The following ZNF782 variants were observed in gnomAD, a reference collection of about 807,000 sequenced individuals.
ZNF782 encodes the protein zinc finger protein 782.
Under a neutral mutation model 13.0 loss-of-function variants are expected in ZNF782, and 12 were observed. The ratio of observed to expected loss-of-function variants is 0.92; its 90% CI spans 0.59 to 1.50. ZNF782 has a LOEUF of 1.50. Among genes scored for constraint, ZNF782 ranks in the 40% most tolerant of loss-of-function variants. ZNF782 has a pLI of 0.00. For missense variants in ZNF782, 770 were observed against 822.9 expected, an observed-to-expected ratio of 0.94 and a Z score of 0.79; for synonymous variants, 284 against 283.0, an observed-to-expected ratio of 1.00 and a Z score of -0.04.
At chr9:96,876,430 G>C (rs563615976), upstream of ZNF782, among the ~76,000 whole-genome samples, 2 of 152,066 alleles carry the variant, frequency 1.3e-5, no homozygotes, top group Non-Finnish European at 2.9e-5. Context: ...CGTTTCCTAC[G>C]TTTCTGTGTG....
chr9:96,836,937 T>C (rs1036688923), intron 4 of ZNF782, among the ~76,000 whole-genome samples: 2 of 152,188 alleles, frequency 1.3e-5, no homozygotes, highest in Non-Finnish European at 2.9e-5. Flanking sequence ...CCACCATAAG[T>C]TGAAGCAGTA....
At chr9:96,865,680 G>A (rs573924238) in intron 1 of ZNF782, among the ~76,000 whole-genome samples, 118 of 152,300 alleles carry the variant, frequency 7.7e-4, no homozygotes, top group Non-Finnish European at 1.4e-3. Context: ...GGTTGGAACA[G>A]TTTGGAGGAC....
chr9:96,818,024 T>C lies in ZNF782; in HGVS notation c.1999A>G (p.Thr667Ala). The change falls in exon 6 of 6, where the codon ACT becomes GCT. Residue 667 changes from threonine to alanine, a missense_variant. Transcript: ENST00000481138. ...QKSNLRVHQR[T>A]HTGEKPYKCD... Reference sequence around the variant, plus strand: ...TTATAGGGTTTCTCCCCTGTGTGAGTTCTCTGATGTACTCTGAGATTGGAT... The same window carrying C: ...TTATAGGGTTTCTCCCCTGTGTGAGCTCTCTGATGTACTCTGAGATTGGAT... 6.2e-7 allele frequency: 1 copy of C among 1,614,102 alleles called. No individual in the cohort carries two copies. Among genetic ancestry groups the C allele is most frequent in the African/African-American group, 1.3e-5 (1 of 75,040 alleles).
chr9:96,825,735 A>T (rs1463225208), intron 5 of ZNF782, among the ~76,000 whole-genome samples: 1 of 152,194 alleles, frequency 6.6e-6, no homozygotes, highest in Non-Finnish European at 1.5e-5. Flanking sequence ...AAAAGTGGGC[A>T]AAGGACATGA....
At chr9:96,875,139 C>T (rs138334456) in intron 1 of ZNF782, among the ~76,000 whole-genome samples, 1,930 of 152,288 alleles carry the variant, frequency 0.013, 50 homozygotes, top group African/African-American at 0.044. Context: ...GCCCTTGAAC[C>T]TAAATTTCCT....
intron 4 of ZNF782, among the ~76,000 whole-genome samples, chr9:96,835,412 A>G (rs1850960364): frequency 6.6e-6 from 1 of 152,238 alleles, no homozygotes; most frequent in African/African-American, 2.4e-5. Flanking sequence ...TAGAATAAGC[A>G]AAAGGTCAAA....
the ZNF782 span, among the ~76,000 whole-genome samples, chr9:96,920,791 G>C: frequency 6.6e-6 from 1 of 150,402 alleles, no homozygotes; most frequent in African/African-American, 2.5e-5. Flanking sequence ...GCACATGCCT[G>C]TAATCCCAGC....
At chr9:96,829,260 T>G (rs923414148) in intron 4 of ZNF782, among the ~76,000 whole-genome samples, 2 of 151,996 alleles carry the variant, frequency 1.3e-5, no homozygotes, top group African/African-American at 4.8e-5. Flanking sequence ...GAAAACAAAA[T>G]ATACTTTTCT....
rs1851543216 is a variant in ZNF782 at position 96,852,937 on chromosome 9, C to T, written c.-129G>A. 1 of 152,614 alleles carries T rather than the reference C, an allele frequency of 6.6e-6. No individual in the cohort carries two copies. The highest frequency in any genetic ancestry group is 1.5e-5 in the Non-Finnish European group (1 of 68,046). The allele number at this position is 152,614 out of a possible 1,614,324, so 9.5% of individuals were successfully genotyped here. On this transcript the variant is annotated 5_prime_UTR_variant, in exon 2 of 6. Coordinates refer to ENST00000481138, the MANE Select transcript of ZNF782 (RefSeq NM_001001662.3). ...GGAAACTCACTGAACCTTTCATGCC[C>T]AATGTCTTTAAAGCTTTCAAAAGAA...
At chr9:96,919,742 T>C in the ZNF782 span, among the ~76,000 whole-genome samples, 1 of 150,012 alleles carries the variant, frequency 6.7e-6, no homozygotes, top group Non-Finnish European at 1.5e-5. Flanking sequence ...TTTTATATTT[T>C]TTGTAGAGAC....
At chr9:96,836,212 C>CTTT (rs1163521968) in intron 4 of ZNF782, among the ~76,000 whole-genome samples, 12 of 137,196 alleles carry the variant, frequency 8.7e-5, no homozygotes, top group East Asian at 2.1e-4. Context: ...AAGTAAAAAA[C>CTTT]TTTTTTTTTT....
chr9:96,839,179 G>A (rs1479757109), intron 4 of ZNF782, among the ~76,000 whole-genome samples: 4 of 151,418 alleles, frequency 2.6e-5, no homozygotes. Context: ...TTTTTCCATA[G>A]TGTTTAGCTA....
In ZNF782 at chr9:96,866,402, G is replaced by A. The variant is rs140650773; in HGVS notation, c.-456-4799C>T. On this transcript the variant is annotated intron_variant, in intron 1 of 5. Coordinates refer to the ZNF782 transcript ENST00000498811. Reference sequence around the variant, plus strand: ...GCCTTGGAAGCTTTTATGTGGTGTCGAGCCTGCAGGTGCACAGAAGTCAAG... The same window carrying A: ...GCCTTGGAAGCTTTTATGTGGTGTCAAGCCTGCAGGTGCACAGAAGTCAAG... Among the ~76,000 whole-genome samples the A allele has an allele frequency of 5.9e-3, 899 of 152,274 alleles. 5 individuals are homozygous for A. Among genetic ancestry groups the A allele is most frequent in the Middle Eastern group, 0.014 (4 of 294 alleles).
upstream of ZNF782, among the ~76,000 whole-genome samples, chr9:96,855,043 C>CATT (rs1851621541): frequency 1.3e-5 from 2 of 152,168 alleles, no homozygotes; most frequent in Admixed American, 1.3e-4. Flanking sequence ...CTACCCGACC[C>CATT]ATTGACCTGT....
At chr9:96,925,496 G>C in the ZNF782 span, among the ~76,000 whole-genome samples, 1 of 151,968 alleles carries the variant, frequency 6.6e-6, no homozygotes, top group Admixed American at 6.6e-5. Context: ...AAATTAGCCA[G>C]GCGTGGTGGC....
upstream of ZNF782, among the ~76,000 whole-genome samples, chr9:96,880,512 A>G (rs1421193312): frequency 6.6e-6 from 1 of 152,202 alleles, no homozygotes; most frequent in African/African-American, 2.4e-5. Context: ...ATCTGGTCAA[A>G]TGCTTTTGCC....
chr9:96,933,247 C>T, the ZNF782 span, among the ~76,000 whole-genome samples: 8 of 149,578 alleles, frequency 5.3e-5, no homozygotes, highest in East Asian at 1.2e-3. Flanking sequence ...CAAAGTGCTG[C>T]GATTGCAGGC....
chr9:96,902,006 T>C, the ZNF782 span, among the ~76,000 whole-genome samples: 1 of 151,978 alleles, frequency 6.6e-6, no homozygotes, highest in South Asian at 2.1e-4. Flanking sequence ...AAACCAATCA[T>C]AAGAAGAAAA....
the ZNF782 span, chr9:96,894,107 A>G: frequency 1.3e-5 from 2 of 151,650 alleles, no homozygotes; most frequent in Non-Finnish European, 2.9e-5. Context: ...AAAACCAAAC[A>G]CCGCATGTTC....
Sources: gnomAD v4.1 joint callset for allele counts (sites outside exome capture counted in the v4.1 genomes callset) on GRCh38, gnomAD v4.1.1 for gene constraint, MANE v1.5 for transcripts, NCBI Gene and HGNC (gene_info 2026-07-23, HGNC 2026-07-21) for gene names.